The following TNKS2 variants were observed in gnomAD, a reference collection of about 807,000 sequenced individuals.
TNKS2 encodes poly [ADP-ribose] polymerase tankyrase-2.
In TNKS2, 72 loss-of-function variants were observed where a neutral mutation model predicts 137.6. That is an observed-to-expected ratio of 0.52 (90% CI 0.43 to 0.64). The LOEUF (loss-of-function observed/expected upper bound fraction) is 0.64. TNKS2 is among the 30% of genes least tolerant of loss of function. TNKS2 has a pLI of 0.00. For missense variants in TNKS2, 1,049 were observed against 1,410.2 expected, an observed-to-expected ratio of 0.74 and a Z score of 4.10; for synonymous variants, 516 against 512.1, an observed-to-expected ratio of 1.01 and a Z score of -0.10.
chr10:91,812,852 A>G (rs1251280239), intron 1 of TNKS2, 131 bp from the exon 2 acceptor site: 1 of 1,453,038 alleles, frequency 6.9e-7, no homozygotes, highest in African/African-American at 1.4e-5. Flanking sequence ...TCACCTTTCC[A>G]TTAATTAGTT....
At chr10:91,804,864 C>A (rs1438175895) in intron 1 of TNKS2, among the ~76,000 whole-genome samples, 1 of 152,148 alleles carries the variant, frequency 6.6e-6, no homozygotes. Flanking sequence ...TCAAGCAATT[C>A]TCCTGCCTCC....
At chr10:91,828,783 C>G (rs1436255892) in intron 9 of TNKS2, among the ~76,000 whole-genome samples, 2 of 152,132 alleles carry the variant, frequency 1.3e-5, no homozygotes, top group East Asian at 3.9e-4. Flanking sequence ...TACCACCATC[C>G]AGATGAAAAC....
intron 16 of TNKS2, among the ~76,000 whole-genome samples, chr10:91,844,419 C>T (rs1183039536): frequency 6.6e-6 from 1 of 152,112 alleles, no homozygotes; most frequent in African/African-American, 2.4e-5. Flanking sequence ...ATGTGTACCT[C>T]TGAGTTCTCT....
At chr10:91,815,351 A>G (rs1844651844) in intron 2 of TNKS2, among the ~76,000 whole-genome samples, 1 of 152,160 alleles carries the variant, frequency 6.6e-6, no homozygotes, top group Admixed American at 6.5e-5. Context: ...CCTCTGCCCA[A>G]TTCTCCTTTT....
At chr10:91,814,407 G>A (rs774048020) in intron 2 of TNKS2, among the ~76,000 whole-genome samples, 4 of 152,072 alleles carry the variant, frequency 2.6e-5, no homozygotes, top group Non-Finnish European at 5.9e-5. Flanking sequence ...ATGTGAAAAG[G>A]TTACAGTAAG....
At chr10:91,862,399 T>C (rs908854920) in intron 26 of TNKS2, among the ~76,000 whole-genome samples, 15 of 152,222 alleles carry the variant, frequency 9.9e-5, no homozygotes, top group Admixed American at 7.9e-4. Context: ...TCTCCTTCTT[T>C]CCTTGTGTGT....
At chr10:91,839,831 C>A (rs774245477) in intron 13 of TNKS2, among the ~76,000 whole-genome samples, 3 of 152,154 alleles carry the variant, frequency 2.0e-5, no homozygotes, top group Non-Finnish European at 4.4e-5. Context: ...TGTTAAAGGG[C>A]AAATTCTGAC....
chr10:91,830,883 T>C (rs1845224430), intron 9 of TNKS2, 40 bp from the exon 10 acceptor site: 2 of 1,456,576 alleles, frequency 1.4e-6, no homozygotes, highest in Admixed American at 2.0e-5. Flanking sequence ...AAATCAGTTA[T>C]GTATAGTCCT....
At position 91,827,117 on chromosome 10, in the gene TNKS2, A is replaced by G. The variant is rs1044649725; in HGVS notation, c.896A>G (p.Tyr299Cys). 1.9e-6 allele frequency: 3 copies of G among 1,612,200 alleles called. No homozygotes were observed. Among genetic ancestry groups the G allele is most frequent in the East Asian group, 2.2e-5 (1 of 44,830 alleles). Residue 299 changes from tyrosine to cysteine, a missense_variant, in exon 8 of 27, where the codon TAT becomes TGT. Tyr to Cys is a radical substitution (Grantham distance 194, BLOSUM62 -2). Around this residue, in one of 6 missense-constraint regions of TNKS2, gnomAD observed 374 missense variants for 460.8 expected, o/e 0.81. Transcript: ENST00000371627. ...GAAGTATGTTCTCTTCTCTTAAGTT[A>G]TGGTGCAGACCCAACACTGCTCAAT... ...RVEVCSLLLS[Y>C]GADPTLLNCH... is the part of the protein sequence containing the mutation.
intron 1 of TNKS2, among the ~76,000 whole-genome samples, chr10:91,801,708 G>A (rs1435495972): frequency 1.3e-5 from 2 of 152,024 alleles, no homozygotes; most frequent in Non-Finnish European, 2.9e-5. Flanking sequence ...TCCTGATCTC[G>A]TGATCCGCCT....
intron 1 of TNKS2, among the ~76,000 whole-genome samples, chr10:91,804,921 G>A (rs61874698): frequency 3.3e-5 from 5 of 152,000 alleles, no homozygotes; most frequent in Admixed American, 1.3e-4. Context: ...GTACCACCAC[G>A]CCTGGCTAAT....
At chr10:91,806,726 A>G (rs1298405742) in intron 1 of TNKS2, among the ~76,000 whole-genome samples, 2 of 152,230 alleles carry the variant, frequency 1.3e-5, no homozygotes, top group Admixed American at 1.3e-4. Flanking sequence ...GTTAATTCCA[A>G]TTACCATATT....
At chr10:91,858,697 A>AT (rs1842776791) in intron 24 of TNKS2, among the ~76,000 whole-genome samples, 1 of 152,198 alleles carries the variant, frequency 6.6e-6, no homozygotes, top group Non-Finnish European at 1.5e-5. Flanking sequence ...GAGAAGAGGT[A>AT]TAAGAAAGAG....
At chr10:91,809,262 G>T (rs1056921516) in intron 1 of TNKS2, among the ~76,000 whole-genome samples, 1 of 152,242 alleles carries the variant, frequency 6.6e-6, no homozygotes, top group Non-Finnish European at 1.5e-5. Flanking sequence ...GAACTGGGAA[G>T]CTGGGAATAG....
chr10:91,829,594 C>A (rs1195191406), intron 9 of TNKS2, among the ~76,000 whole-genome samples: 4 of 152,108 alleles, frequency 2.6e-5, no homozygotes, highest in Non-Finnish European at 5.9e-5. Flanking sequence ...CTTTAAAAAA[C>A]CATGTCTGGT....
rs1297949193 is a variant in TNKS2 at position 91,813,226 on chromosome 10, C to G, written c.424+19C>G. ...TGCATTGGTAAGACTGTTTACTTTTCCGACTTTTACTAATGTTGTAACTAT... is the reference window on the plus strand; with the variant it reads ...TGCATTGGTAAGACTGTTTACTTTTGCGACTTTTACTAATGTTGTAACTAT... On this transcript the variant is annotated intron_variant, in intron 2 of 26. Coordinates refer to ENST00000371627, the MANE Select transcript of TNKS2 (RefSeq NM_025235.4). 2 of 1,593,102 alleles carry G rather than the reference C, an allele frequency of 1.3e-6. No individual in the cohort carries two copies. Among genetic ancestry groups the G allele is most frequent in the Admixed American group, 3.3e-5 (2 of 59,718 alleles).
At chr10:91,839,162 G>A (rs183301922) in intron 13 of TNKS2, among the ~76,000 whole-genome samples, 37 of 151,550 alleles carry the variant, frequency 2.4e-4, no homozygotes, top group Middle Eastern at 6.9e-3. Context: ...CACCGTGCCC[G>A]GCCTAAGATA....
At chr10:91,855,834 T>A (rs1346754938) in intron 23 of TNKS2, 146 bp downstream of exon 23, 1 of 556,620 alleles carries the variant, frequency 1.8e-6, no homozygotes, top group African/African-American at 2.0e-5. Context: ...AGGATACCCT[T>A]GGAAGGTTAA....
chr10:91,843,884 T>A lies in TNKS2; in HGVS notation c.2060-1035T>A, dbSNP rs143516256. Among the ~76,000 whole-genome samples the A allele has an allele frequency of 1.1e-4, 17 of 152,356 alleles. No individual in the cohort carries two copies. The East Asian group carries it at 2.1e-3, about 19-fold the overall frequency. ...TTATACATGATTTTTACCTTTAAAT[T>A]CTCACTCCATGTAAGTTGAGACCTC... On this transcript the variant is annotated intron_variant, in intron 16 of 26. Transcript: ENST00000371627.
Sources: allele counts gnomAD v4.1 joint callset (sites outside exome capture counted in the v4.1 genomes callset), GRCh38; gene constraint gnomAD v4.1.1; regional missense constraint gnomAD v4.1.1; transcripts MANE v1.5; gene names NCBI Gene and HGNC (gene_info 2026-07-23, HGNC 2026-07-21).